The following GUCY1A1 variants were observed in gnomAD, a reference collection of about 807,000 sequenced individuals.
GUCY1A1 encodes the protein guanylate cyclase soluble subunit alpha-1.
A neutral mutation model predicts 64.5 loss-of-function variants in GUCY1A1; 48 were observed. The ratio of observed to expected loss-of-function variants is 0.74; its 90% CI spans 0.59 to 0.95. GUCY1A1 has a LOEUF of 0.95. GUCY1A1 is among the 40% of genes least tolerant of loss of function. GUCY1A1 has a pLI of 0.00. For missense variants in GUCY1A1, 804 were observed against 825.3 expected, an observed-to-expected ratio of 0.97 and a Z score of 0.32; for synonymous variants, 308 against 303.4, an observed-to-expected ratio of 1.02 and a Z score of -0.16.
In GUCY1A1 at chr4:155,668,727, G is replaced by A. The variant is rs189774882; in HGVS notation, c.-113+1308G>A. The stretch of plus-strand genomic sequence containing the variant: ...TTCAGGTACCCTATTATGTACAGTG[G>A]TAAAAAGTAAACTCGTTATGATAGC... On this transcript the variant is annotated intron_variant, in intron 2 of 9. Coordinates refer to ENST00000506455, the MANE Select transcript of GUCY1A1 (RefSeq NM_001130682.3). 5.3e-5 allele frequency among the ~76,000 whole-genome samples: 8 copies of A among 152,134 alleles called. No homozygotes were observed. The East Asian group carries it at 1.5e-3, about 29-fold the overall frequency.
In GUCY1A1 at chr4:155,697,037, A is replaced by G. The variant is rs61736997; in HGVS notation, c.170A>G (p.Glu57Gly). The G allele has an allele frequency of 6.2e-7, 1 of 1,613,234 alleles. No homozygotes were observed. Among genetic ancestry groups the G allele is most frequent in the Non-Finnish European group, 8.5e-7 (1 of 1,179,236 alleles). ...CQDIPEKNIQ[E>G]SLPQRKTSRS... is the part of the protein sequence containing the mutation. Reference sequence around the variant, plus strand: ...GACATTCCTGAGAAGAACATACAAGAAAGTCTTCCTCAAAGAAAAACCAGT... The same window carrying G: ...GACATTCCTGAGAAGAACATACAAGGAAGTCTTCCTCAAAGAAAAACCAGT... Residue 57 changes from glutamate to glycine, a missense_variant, in exon 3 of 10, where the codon GAA becomes GGA. Coordinates refer to ENST00000506455, the MANE Select transcript of GUCY1A1 (RefSeq NM_001130682.3).
intron 3 of GUCY1A1, among the ~76,000 whole-genome samples, chr4:155,698,337 A>G (rs778865814): frequency 6.6e-6 from 1 of 152,192 alleles, no homozygotes; most frequent in Non-Finnish European, 1.5e-5. Flanking sequence ...GGAAATGTTT[A>G]ATTATTCTTA....
At chr4:155,688,815 C>T (rs1457309890) in intron 2 of GUCY1A1, among the ~76,000 whole-genome samples, 1 of 151,818 alleles carries the variant, frequency 6.6e-6, no homozygotes, top group Non-Finnish European at 1.5e-5. Context: ...AAACAAAATC[C>T]CCAAAATATA....
intron 8 of GUCY1A1, among the ~76,000 whole-genome samples, chr4:155,720,359 CTATCTATCT>C (rs1424725067): frequency 6.6e-6 from 1 of 151,908 alleles, no homozygotes; most frequent in Non-Finnish European, 1.5e-5. Flanking sequence ...ATCTATCTAT[CTATCTATCT>C]ATCTATCTAT....
intron 2 of GUCY1A1, among the ~76,000 whole-genome samples, chr4:155,668,789 G>A (rs1026790383): frequency 6.6e-6 from 1 of 152,118 alleles, no homozygotes; most frequent in African/African-American, 2.4e-5. Context: ...CACTTAATTG[G>A]TCTGAAAGTT....
At chr4:155,726,636 C>CA (rs1332752006) in intron 9 of GUCY1A1, among the ~76,000 whole-genome samples, 17 of 150,036 alleles carry the variant, frequency 1.1e-4, no homozygotes, top group South Asian at 2.1e-4. Context: ...ATACCTATAC[C>CA]AAAAAAAAAC....
chr4:155,669,409 C>T (rs1733813902), intron 2 of GUCY1A1, among the ~76,000 whole-genome samples: 1 of 151,822 alleles, frequency 6.6e-6, no homozygotes, highest in Admixed American at 6.6e-5. Flanking sequence ...AAAGGTCTTG[C>T]TTCTAGATAT....
At chr4:155,690,400 C>G (rs1246214992) in intron 2 of GUCY1A1, among the ~76,000 whole-genome samples, 1 of 152,184 alleles carries the variant, frequency 6.6e-6, no homozygotes, top group African/African-American at 2.4e-5. Flanking sequence ...CCTACTCTGA[C>G]CCATTTTTCA....
intron 2 of GUCY1A1, chr4:155,667,939 G>A (rs1293389893): frequency 1.3e-5 from 2 of 152,488 alleles, no homozygotes; most frequent in Non-Finnish European, 2.9e-5. Flanking sequence ...GTGGGTAAGA[G>A]GCGCGTCCTC....
intron 4 of GUCY1A1, among the ~76,000 whole-genome samples, chr4:155,705,539 CAA>C (rs35914312): frequency 1.7e-4 from 14 of 82,070 alleles, no homozygotes; most frequent in Admixed American, 2.7e-4. Flanking sequence ...GACTCCATCT[CAA>C]AAAAAAAAAA....
At chr4:155,669,363 A>G (rs1433657542) in intron 2 of GUCY1A1, among the ~76,000 whole-genome samples, 1 of 152,048 alleles carries the variant, frequency 6.6e-6, no homozygotes, top group Non-Finnish European at 1.5e-5. Flanking sequence ...TGCTTGGTAT[A>G]GTGTCTCATA....
intron 2 of GUCY1A1, among the ~76,000 whole-genome samples, chr4:155,694,078 C>A (rs181660669): frequency 3.3e-5 from 5 of 151,950 alleles, no homozygotes; most frequent in African/African-American, 1.2e-4. Flanking sequence ...TTTTATGTAC[C>A]CTTTTTTGCT....
At chr4:155,694,576 C>T (rs1375164691) in intron 2 of GUCY1A1, among the ~76,000 whole-genome samples, 1 of 152,138 alleles carries the variant, frequency 6.6e-6, no homozygotes, top group East Asian at 1.9e-4. Flanking sequence ...AAACTACTGG[C>T]TATGTTCACA....
chr4:155,679,923 C>T (rs1329695988), intron 2 of GUCY1A1, among the ~76,000 whole-genome samples: 1 of 152,186 alleles, frequency 6.6e-6, no homozygotes, highest in Admixed American at 6.5e-5. Context: ...ATCTCTTTGT[C>T]ACCCCTTTCA....
rs1733369841 is a variant in GUCY1A1, at chr4:155,666,899, G to A, written c.-253G>A. 6.6e-6 allele frequency: 1 copy of A among 152,254 alleles called. No homozygotes were observed. Among genetic ancestry groups the A allele is most frequent in the South Asian group, 2.1e-4 (1 of 4,812 alleles). 9.4% of individuals were successfully genotyped at this position (152,254 alleles called of 1,614,324 possible). ...GCAGCCTGGAACAGACCCAGGCGGA[G>A]GACACCTGTGGGGGAGGGAGCGCCT... On this transcript the variant is annotated 5_prime_UTR_variant, in exon 1 of 10. Transcript: ENST00000506455.
Position 155,730,270 on chromosome 4 carries a change from T to G in GUCY1A1, c.*39T>G, listed in dbSNP as rs1473902090. The G allele has an allele frequency of 7.6e-7, 1 of 1,319,590 alleles. No homozygotes were observed. Among genetic ancestry groups the G allele is most frequent in the Non-Finnish European group, 1.1e-6 (1 of 915,020 alleles). The allele number at this position is 1,319,590 out of a possible 1,614,324, so 81.7% of individuals were successfully genotyped here. ...TATTTATAAGTCTTTGGGGTTTGAC[T>G]CATTGAAGATGTGTAGAGCCTCTGA... is the stretch of plus-strand genomic sequence containing the variant. On this transcript the variant is annotated 3_prime_UTR_variant, in exon 10 of 10. Transcript: ENST00000506455.
Position 155,713,280 on chromosome 4 carries a change from T to C in GUCY1A1, c.1269T>C (p.Asp423=). Residue 423 remains aspartate (D), a synonymous_variant, in exon 7 of 10, where the codon GAT becomes GAC. Transcript: ENST00000506455. The stretch of plus-strand genomic sequence containing the variant: ...TAGGGGAACAAGCCCGAGCTCAAGA[T>C]GGCCTGAAGAAGAGGCTGGGGAAGC... The part of the protein sequence containing the change: ...VLIGEQARAQ[D]GLKKRLGKLK... The C allele has an allele frequency of 5.0e-6, 8 of 1,614,124 alleles. No homozygotes were observed. Among genetic ancestry groups the C allele is most frequent in the Non-Finnish European group, 6.8e-6 (8 of 1,180,004 alleles).
chr4:155,683,966 C>T (rs1736184758), intron 2 of GUCY1A1, among the ~76,000 whole-genome samples: 1 of 152,122 alleles, frequency 6.6e-6, no homozygotes, highest in East Asian at 1.9e-4. Flanking sequence ...ACCTATACAC[C>T]TCCTGAGCTT....
chr4:155,708,206 T>G (rs1465378376), intron 4 of GUCY1A1, 30 bp from the exon 5 acceptor site: 2 of 1,073,830 alleles, frequency 1.9e-6, no homozygotes, highest in East Asian at 4.7e-5. Flanking sequence ...ATTTATAAGT[T>G]TATAACTTAA....
Sources: gnomAD v4.1 joint callset for allele counts (sites outside exome capture counted in the v4.1 genomes callset) on GRCh38, gnomAD v4.1.1 for gene constraint, MANE v1.5 for transcripts, NCBI Gene and HGNC (gene_info 2026-07-23, HGNC 2026-07-21) for gene names.